The following COL23A1 variants were observed in gnomAD, a reference collection of about 807,000 sequenced individuals.
COL23A1 encodes the protein collagen alpha-1(XXIII) chain.
In COL23A1, 97 loss-of-function variants were observed where a neutral mutation model predicts 99.3. That is an observed-to-expected ratio of 0.98 (90% confidence interval 0.83 to 1.16). The LOEUF (loss-of-function observed/expected upper bound fraction) is 1.16. COL23A1 is among the 50% of genes most tolerant of loss of function. The pLI, the probability that COL23A1 is intolerant of heterozygous loss-of-function variation, is 0.00. For synonymous variants in COL23A1, 320 were observed against 308.2 expected, an observed-to-expected ratio of 1.04 and a Z score of -0.40; for missense variants, 762 against 757.4, an observed-to-expected ratio of 1.01 and a Z score of -0.07.
chr5:178,418,942 G>A (rs1343858944), intron 2 of COL23A1, among the ~76,000 whole-genome samples: 1 of 152,178 alleles, frequency 6.6e-6, no homozygotes, highest in African/African-American at 2.4e-5. Flanking sequence ...GCTCTAGAAT[G>A]GAAGCCCCAG....
At chr5:178,488,716 A>G (rs1757765861) in intron 2 of COL23A1, among the ~76,000 whole-genome samples, 1 of 151,938 alleles carries the variant, frequency 6.6e-6, no homozygotes, top group Non-Finnish European at 1.5e-5. Flanking sequence ...TATGATTGAC[A>G]TGAACAACTG....
intron 2 of COL23A1, among the ~76,000 whole-genome samples, chr5:178,336,379 T>C (rs1384252807): frequency 6.6e-6 from 1 of 152,182 alleles, no homozygotes; most frequent in African/African-American, 2.4e-5. Context: ...ACATGGTCTA[T>C]CCATACAATG....
At chr5:178,256,527 G>T in intron 14 of COL23A1, 130 bp from the exon 15 acceptor site, 1 of 783,418 alleles carries the variant, frequency 1.3e-6, no homozygotes, top group Non-Finnish European at 2.0e-6. Context: ...ATAGCCAAAT[G>T]TATGAGAACA....
chr5:178,409,535 T>G (rs1035239734), intron 2 of COL23A1, among the ~76,000 whole-genome samples: 2 of 152,174 alleles, frequency 1.3e-5, no homozygotes, highest in African/African-American at 4.8e-5. Context: ...AATGTCAATT[T>G]CCTGGTTTTG....
chr5:178,452,783 AC>A (rs1242445759), intron 2 of COL23A1, among the ~76,000 whole-genome samples: 3 of 152,306 alleles, frequency 2.0e-5, no homozygotes, highest in Admixed American at 6.5e-5. Context: ...CAGATCCAAT[AC>A]CTGTTAATAC....
Position 178,589,035 on chromosome 5 carries a change from G to A in COL23A1, c.294+869C>T, listed in dbSNP as rs1581694260. ...CAGTTTCGTGGGGAGGGGAACTGCCGCACATGCCGCACACAAAAGGCGGAG... is the reference window on the plus strand; with the variant it reads ...CAGTTTCGTGGGGAGGGGAACTGCCACACATGCCGCACACAAAAGGCGGAG... On this transcript the variant is annotated intron_variant, in intron 1 of 28. Coordinates refer to ENST00000390654, the MANE Select transcript of COL23A1 (RefSeq NM_173465.4). This position sits in a 1 kb window ranked among gnomAD's most constrained non-coding sequence, Gnocchi z 5.4. Among the ~76,000 whole-genome samples, 1 of 152,082 alleles carries A rather than the reference G, an allele frequency of 6.6e-6. No homozygotes were observed. The highest frequency in any genetic ancestry group is 1.9e-4 in the East Asian group (1 of 5,160).
rs967829693 is a variant in COL23A1, at chr5:178,310,147, T to C, written c.362-3228A>G. On this transcript the variant is annotated intron_variant, in intron 2 of 28. Coordinates refer to ENST00000390654, the MANE Select transcript of COL23A1 (RefSeq NM_173465.4). This position sits in a 1 kb window ranked among gnomAD's most constrained non-coding sequence, Gnocchi z 4.3. ...TCCCGGACTGCGAGAAGACAGGCGG[T>C]GAGGCCCTGGGAGAGGGCGAGTGTG... is the stretch of plus-strand genomic sequence containing the variant. Among the ~76,000 whole-genome samples the C allele has an allele frequency of 2.0e-5, 3 of 152,098 alleles. No individual in the cohort carries two copies. The highest frequency in any genetic ancestry group is 7.2e-5 in the African/African-American group (3 of 41,404).
At chr5:178,438,843 A>G (rs1192948328) in intron 2 of COL23A1, 3 of 152,220 alleles carry the variant, frequency 2.0e-5, no homozygotes, top group African/African-American at 7.2e-5. Flanking sequence ...GCCTTCAAGC[A>G]GCAGTCCCCA....
At chr5:178,542,030 ATTG>A (rs984362030) in intron 2 of COL23A1, among the ~76,000 whole-genome samples, 12 of 152,094 alleles carry the variant, frequency 7.9e-5, no homozygotes, top group African/African-American at 2.9e-4. Flanking sequence ...ACATCTTTTT[ATTG>A]TTGTTTTGAG....
intron 6 of COL23A1, among the ~76,000 whole-genome samples, chr5:178,269,591 A>ATCCATCC (rs1554129137): frequency 2.8e-3 from 252 of 90,754 alleles, no homozygotes; most frequent in Middle Eastern, 0.021. Context: ...CTCATCCATC[A>ATCCATCC]ATCCATCCAT....
intron 2 of COL23A1, among the ~76,000 whole-genome samples, chr5:178,548,035 CCACCCCCA>C (rs1271663943): frequency 2.7e-5 from 2 of 73,576 alleles, no homozygotes; most frequent in Non-Finnish European, 2.8e-5. Context: ...ACAAACACAC[CCACCCCCA>C]CACCCACACA....
chr5:178,292,157 A>G (rs1315955370), intron 3 of COL23A1, among the ~76,000 whole-genome samples: 1 of 151,764 alleles, frequency 6.6e-6, no homozygotes, highest in African/African-American at 2.4e-5. Flanking sequence ...CTATGCCTAT[A>G]CCTGTACCTG....
intron 2 of COL23A1, among the ~76,000 whole-genome samples, chr5:178,547,494 C>CCT (rs1761660673): frequency 7.1e-6 from 1 of 141,260 alleles, no homozygotes. Context: ...CACACCCACA[C>CCT]ATCCCCATAC....
intron 2 of COL23A1, among the ~76,000 whole-genome samples, chr5:178,315,212 G>C (rs1758913915): frequency 6.6e-6 from 1 of 152,128 alleles, no homozygotes; most frequent in African/African-American, 2.4e-5. Flanking sequence ...GCATCCTGGT[G>C]ACATACCAGC....
chr5:178,389,348 C>A (rs10071784), intron 2 of COL23A1, among the ~76,000 whole-genome samples: 1 of 152,198 alleles, frequency 6.6e-6, no homozygotes, highest in Non-Finnish European at 1.5e-5. Flanking sequence ...TACACTCTCC[C>A]CTGTGTGACA....
At chr5:178,327,702 C>A (rs1296276810) in intron 2 of COL23A1, among the ~76,000 whole-genome samples, 2 of 152,076 alleles carry the variant, frequency 1.3e-5, no homozygotes, top group African/African-American at 4.8e-5. Context: ...GCCCTCTGCA[C>A]CCTCTGTCCA....
Position 178,267,701 on chromosome 5 carries a change from A to G in COL23A1, c.496-368T>C, listed in dbSNP as rs535448396. Among the ~76,000 whole-genome samples, 280 of 152,328 alleles carry G rather than the reference A, an allele frequency of 1.8e-3. 1 individual carries two copies. Among genetic ancestry groups the G allele is most frequent in the Middle Eastern group, 0.01 (3 of 294 alleles). On this transcript the variant is annotated intron_variant, in intron 7 of 28. Transcript: ENST00000390654. ...GCTTTACACGGCCAAGTTTTGGGGC[A>G]GTGCATTAAGCAGCAATAGACACCA...
chr5:178,432,477 C>T (rs1268181800), intron 2 of COL23A1, among the ~76,000 whole-genome samples: 1 of 152,168 alleles, frequency 6.6e-6, no homozygotes, highest in Non-Finnish European at 1.5e-5. Flanking sequence ...TTTGCCCCAC[C>T]CTCTCGCCTG....
At chr5:178,438,224 A>T (rs1452123102) in intron 2 of COL23A1, among the ~76,000 whole-genome samples, 3 of 152,206 alleles carry the variant, frequency 2.0e-5, no homozygotes, top group Non-Finnish European at 4.4e-5. Context: ...CCAACTTTAC[A>T]ATATCAAGCT....
Sources: allele counts gnomAD v4.1 joint callset (sites outside exome capture counted in the v4.1 genomes callset), GRCh38; gene constraint gnomAD v4.1.1; non-coding constraint Gnocchi (gnomAD v3.1); transcripts MANE v1.5; gene names NCBI Gene and HGNC (gene_info 2026-07-23, HGNC 2026-07-21).